BTNL8: variants seen among roughly 807,000 people sequenced by gnomAD.
BTNL8 encodes the protein butyrophilin-like protein 8.
In BTNL8, 22 loss-of-function variants were observed where a neutral mutation model predicts 36.1. The ratio of observed to expected loss-of-function variants is 0.61; its 90% CI spans 0.44 to 0.87. The LOEUF (loss-of-function observed/expected upper bound fraction) is 0.87. Among genes scored for constraint, BTNL8 ranks in the 40% least tolerant of loss-of-function variants. The pLI is 0.00. For missense variants in BTNL8, 526 were observed against 616.9 expected (o/e 0.85, Z 1.56); for synonymous variants, 203 against 235.6 (o/e 0.86, Z 1.27).
chr5:180,914,226 G>A (rs1016590927), intron 3 of BTNL8, among the ~76,000 whole-genome samples: 1 of 152,132 alleles, frequency 6.6e-6, no homozygotes, highest in Non-Finnish European at 1.5e-5. Context: ...AGGATTTAAG[G>A]GGGTGAACTT....
chr5:180,904,982 A>G (rs993574253), intron 1 of BTNL8, among the ~76,000 whole-genome samples: 14 of 151,238 alleles, frequency 9.3e-5, no homozygotes, highest in African/African-American at 3.4e-4. Flanking sequence ...TTGGTCTAAA[A>G]TTCTCTTTTT....
chr5:180,947,888 A>G, intron 4 of BTNL8: 3 of 1,287,290 alleles, frequency 2.3e-6, no homozygotes, highest in East Asian at 4.7e-5. Flanking sequence ...GAGAGCTTGG[A>G]TAATTTTCCA....
intron 3 of BTNL8, among the ~76,000 whole-genome samples, chr5:180,942,311 G>A (rs1455894816): frequency 1.3e-5 from 2 of 152,038 alleles, no homozygotes; most frequent in African/African-American, 2.4e-5. Flanking sequence ...CAAATGAAAA[G>A]ATACCCCATG....
rs1309643786 is a variant in BTNL8 at position 180,949,483 on chromosome 5, G to A, written c.862+218G>A. 1.1e-5 allele frequency: 8 copies of A among 716,222 alleles called. No individual in the cohort carries two copies. In the East Asian group the frequency reaches 1.3e-4, roughly 12 times the overall value. 44.4% of individuals were successfully genotyped at this position (716,222 alleles called of 1,614,324 possible). A position where few individuals can be genotyped will look rare whatever the true frequency, so the allele number is the denominator to read the frequency against. ...GGGAGAAGACAGGGGCTGGGTAAAC[G>A]GGAGACGGGGGGGTCTTTGGCACAG... On this transcript the variant is annotated intron_variant, in intron 7 of 7. Coordinates refer to ENST00000340184, the MANE Select transcript of BTNL8 (RefSeq NM_001040462.3).
chr5:180,908,821 G>A lies in BTNL8; in HGVS notation c.285G>A (p.Gly95=), dbSNP rs888468555. The change falls in exon 2 of 8, where the codon GGG becomes GGA. Residue 95 remains glycine (G), a synonymous_variant. Transcript: ENST00000340184. The stretch of plus-strand genomic sequence containing the variant: ...TGGTGAAGGATTCTATTGCGGAGGG[G>A]CGCATCTCTCTGAGGCTGGAAAACA... The part of the protein sequence containing the change: ...TKLVKDSIAE[G]RISLRLENIT... The A allele has an allele frequency of 1.2e-6, 2 of 1,614,040 alleles. No individual in the cohort carries two copies. The highest frequency in any genetic ancestry group is 1.7e-5 in the Admixed American group (1 of 60,002).
intron 3 of BTNL8, among the ~76,000 whole-genome samples, chr5:180,912,529 A>G (rs146432625): frequency 6.6e-6 from 1 of 152,226 alleles, no homozygotes; most frequent in Admixed American, 6.5e-5. Flanking sequence ...TTTCTAGAGA[A>G]AAAGAATTTT....
chr5:180,918,381 T>A (rs1347076213), intron 3 of BTNL8, among the ~76,000 whole-genome samples: 1 of 152,158 alleles, frequency 6.6e-6, no homozygotes. Context: ...AAATATAATA[T>A]ATGACATTAA....
intron 3 of BTNL8, among the ~76,000 whole-genome samples, chr5:180,938,827 G>GA (rs989512333): frequency 2.8e-4 from 42 of 151,690 alleles, no homozygotes; most frequent in Non-Finnish European, 7.4e-5. Flanking sequence ...TGCTGGAAGG[G>GA]AAAAAAAGCC....
intron 3 of BTNL8, among the ~76,000 whole-genome samples, chr5:180,921,586 G>A (rs1013467531): frequency 3.3e-5 from 5 of 151,894 alleles, no homozygotes; most frequent in African/African-American, 2.4e-5. Flanking sequence ...ATACAGCACA[G>A]TGCCTGTAGC....
intron 3 of BTNL8, among the ~76,000 whole-genome samples, chr5:180,931,779 A>G (rs1758397086): frequency 6.6e-6 from 1 of 152,220 alleles, no homozygotes; most frequent in South Asian, 2.1e-4. Context: ...TGCCAGTTAG[A>G]ATGGTGATCA....
In BTNL8 at chr5:180,940,926, A is replaced by C. The variant is rs1758898559; in HGVS notation, c.674-6586A>C. Among the ~76,000 whole-genome samples, 4 of 151,530 alleles carry C rather than the reference A, an allele frequency of 2.6e-5. No individual in the cohort carries two copies. The South Asian group carries it at 8.3e-4, about 32-fold the overall frequency. ...TCTACAAAAAAACAACAATAACAAC[A>C]AAAAAAACCCATAAAAATTAGCTGG... On this transcript the variant is annotated intron_variant, in intron 3 of 7. Coordinates refer to ENST00000340184, the MANE Select transcript of BTNL8 (RefSeq NM_001040462.3).
In BTNL8 at chr5:180,949,928, C is replaced by T. The variant is rs151118411; in HGVS notation, c.887C>T (p.Thr296Met). The T allele has an allele frequency of 2.1e-5, 31 of 1,459,082 alleles. 5 individuals are homozygous for T. The highest frequency in any genetic ancestry group is 5.7e-5 in the Admixed American group (3 of 53,070). The allele number at this position is 1,459,082 out of a possible 1,614,324, so 90.4% of individuals were successfully genotyped here. The change falls in exon 8 of 8, where the codon ACG (threonine) becomes ATG (methionine). Residue 296 changes from threonine (T) to methionine (M), a missense_variant. This residue lies in a region of BTNL8 where 176 missense variants were observed against 292.3 expected (regional missense o/e 0.60). Coordinates refer to ENST00000340184, the MANE Select transcript of BTNL8 (RefSeq NM_001040462.3). ...GTGGAGGTGACTCTGGATCCAGAGA[C>T]GGCTCACCCGAAGCTCTGCGTTTCT... ...HAVEVTLDPE[T>M]AHPKLCVSDL...
chr5:180,915,730 G>A (rs913859689), intron 3 of BTNL8, among the ~76,000 whole-genome samples: 1 of 152,140 alleles, frequency 6.6e-6, no homozygotes, highest in African/African-American at 2.4e-5. Flanking sequence ...ACATAAGGAT[G>A]GTTCAACATA....
Position 180,908,896 on chromosome 5 carries a change from T to A in BTNL8, c.360T>A (p.Ser120=), listed in dbSNP as rs1333767626. 6.2e-7 allele frequency: 1 copy of A among 1,613,972 alleles called. No homozygotes were observed. Among genetic ancestry groups the A allele is most frequent in the East Asian group, 2.2e-5 (1 of 44,888 alleles). The change falls in exon 2 of 8, where the codon TCT becomes TCA. Residue 120 remains serine (S), a synonymous_variant. Coordinates refer to ENST00000340184, the MANE Select transcript of BTNL8 (RefSeq NM_001040462.3). ...ATGGGTGCAGGATTAGTTCCCAGTCTTACTACCAGAAGGCCATCTGGGAGC... is the reference window on the plus strand; with the variant it reads ...ATGGGTGCAGGATTAGTTCCCAGTCATACTACCAGAAGGCCATCTGGGAGC... ...GLYGCRISSQ[S]YYQKAIWELQ... is the part of the protein sequence containing the mutation.
intron 3 of BTNL8, among the ~76,000 whole-genome samples, chr5:180,934,245 C>T (rs1758538277): frequency 6.6e-6 from 1 of 152,192 alleles, no homozygotes; most frequent in East Asian, 1.9e-4. Context: ...AGCACCCTTT[C>T]ATGATTAAAA....
At chr5:180,911,700 C>T (rs1212718865) in intron 3 of BTNL8, 86 bp downstream of exon 3, 1 of 1,276,422 alleles carries the variant, frequency 7.8e-7, no homozygotes, top group African/African-American at 1.5e-5. Context: ...CTTGGCATTG[C>T]TGTTTTATCT....
At chr5:180,916,883 C>T (rs1183290355) in intron 3 of BTNL8, among the ~76,000 whole-genome samples, 2 of 152,138 alleles carry the variant, frequency 1.3e-5, no homozygotes, top group Non-Finnish European at 2.9e-5. Context: ...ATTTTTCATT[C>T]AATATTTTTG....
chr5:180,927,980 A>G (rs1021628791), intron 3 of BTNL8, among the ~76,000 whole-genome samples: 3 of 152,214 alleles, frequency 2.0e-5, no homozygotes, highest in Non-Finnish European at 4.4e-5. Context: ...GGAAATACAG[A>G]GAACACCACA....
intron 3 of BTNL8, among the ~76,000 whole-genome samples, chr5:180,914,129 A>G (rs1757522250): frequency 6.6e-6 from 1 of 152,224 alleles, no homozygotes; most frequent in Non-Finnish European, 1.5e-5. Context: ...CGAAATCCCC[A>G]ATGCAGCACT....
Sources: gnomAD v4.1 joint callset for allele counts (sites outside exome capture counted in the v4.1 genomes callset) on GRCh38, gnomAD v4.1.1 for gene constraint, gnomAD v4.1.1 regional missense constraint, MANE v1.5 for transcripts, NCBI Gene and HGNC (gene_info 2026-07-23, HGNC 2026-07-21) for gene names.